Variants in HS6ST3 observed in about 807,000 individuals in gnomAD.
HS6ST3 encodes heparan-sulfate 6-O-sulfotransferase 3.
A neutral mutation model predicts 36.7 loss-of-function variants in HS6ST3; 12 were observed. That is an observed-to-expected ratio of 0.33 (90% CI 0.21 to 0.53). The LOEUF (loss-of-function observed/expected upper bound fraction) is 0.53. Ranked by LOEUF, HS6ST3 falls within the 20% of genes least tolerant of loss-of-function variation. The probability of loss-of-function intolerance (pLI) is 0.95; values close to 1 mark genes in which losing one functional copy is unlikely to be tolerated. For synonymous variants in HS6ST3, 240 were observed against 257.5 expected (o/e 0.93, Z 0.65); for missense variants, 584 against 640.9 (o/e 0.91, Z 0.96).
intron 1 of HS6ST3, among the ~76,000 whole-genome samples, chr13:96,334,765 C>A (rs918708438): frequency 2.0e-5 from 3 of 152,138 alleles, no homozygotes; most frequent in African/African-American, 4.8e-5. Flanking sequence ...CCACCGGGTC[C>A]CTCCCACAAC....
intron 1 of HS6ST3, among the ~76,000 whole-genome samples, chr13:96,595,304 T>C (rs2056397482): frequency 6.6e-6 from 1 of 152,202 alleles, no homozygotes; most frequent in Non-Finnish European, 1.5e-5. Flanking sequence ...GTCTTGGCCT[T>C]GCTAAGTGCT....
intron 1 of HS6ST3, among the ~76,000 whole-genome samples, chr13:96,241,183 G>T (rs189333987): frequency 3.3e-5 from 5 of 151,378 alleles, no homozygotes; most frequent in Admixed American, 3.3e-4. Context: ...ACGCCTAATA[G>T]AACTGTCAGC....
At chr13:96,508,560 A>G (rs952773151) in intron 1 of HS6ST3, among the ~76,000 whole-genome samples, 1 of 152,016 alleles carries the variant, frequency 6.6e-6, no homozygotes, top group Non-Finnish European at 1.5e-5. Flanking sequence ...TCTAAGGTCT[A>G]TTATATCATT....
At chr13:96,824,822 T>C (rs1566462759) in intron 1 of HS6ST3, among the ~76,000 whole-genome samples, 3 of 152,134 alleles carry the variant, frequency 2.0e-5, no homozygotes. Flanking sequence ...AAAGAGTGGC[T>C]GATAAATGCT....
intron 1 of HS6ST3, among the ~76,000 whole-genome samples, chr13:96,229,781 A>C (rs1233450943): frequency 1.3e-5 from 2 of 150,832 alleles, no homozygotes; most frequent in African/African-American, 4.9e-5. Flanking sequence ...TCAGGGGGAG[A>C]CCCCCCCCTT....
chr13:96,743,653 A>G (rs1404720089), intron 1 of HS6ST3, among the ~76,000 whole-genome samples: 1 of 152,064 alleles, frequency 6.6e-6, no homozygotes, highest in South Asian at 2.1e-4. Flanking sequence ...GGTGTGTGAA[A>G]TAAAACCAAA....
At chr13:96,818,310 A>G (rs1878463618) in intron 1 of HS6ST3, among the ~76,000 whole-genome samples, 1 of 152,236 alleles carries the variant, frequency 6.6e-6, no homozygotes, top group Admixed American at 6.5e-5. Flanking sequence ...ATCCCATTGA[A>G]TGTCCATGTG....
chr13:96,722,028 AG>A (rs1169975533), intron 1 of HS6ST3, among the ~76,000 whole-genome samples: 27 of 152,184 alleles, frequency 1.8e-4, no homozygotes, highest in African/African-American at 6.3e-4. Flanking sequence ...ACACTTTGGG[AG>A]GTTGGATGGG....
intron 1 of HS6ST3, among the ~76,000 whole-genome samples, chr13:96,553,530 A>G (rs1363427384): frequency 6.6e-6 from 1 of 152,136 alleles, no homozygotes; most frequent in Non-Finnish European, 1.5e-5. Flanking sequence ...TTGGAGATTG[A>G]CTTTCAGTAG....
chr13:96,501,074 T>A (rs1488092882), intron 1 of HS6ST3, among the ~76,000 whole-genome samples: 1 of 152,138 alleles, frequency 6.6e-6, no homozygotes, highest in Non-Finnish European at 1.5e-5. Flanking sequence ...CCCACCTATC[T>A]ACTGACTATA....
chr13:96,141,395 C>T (rs2139317648), intron 1 of HS6ST3, among the ~76,000 whole-genome samples: 1 of 152,036 alleles, frequency 6.6e-6, no homozygotes, highest in East Asian at 1.9e-4. Context: ...ACCCTGTTGC[C>T]CAGGCTGGAG....
At chr13:96,230,150 G>A (rs999641587) in intron 1 of HS6ST3, among the ~76,000 whole-genome samples, 4 of 152,092 alleles carry the variant, frequency 2.6e-5, no homozygotes, top group African/African-American at 9.7e-5. Flanking sequence ...GTGGGTAATG[G>A]TGAGTTGTTG....
chr13:96,614,605 T>G (rs938495924), intron 1 of HS6ST3, among the ~76,000 whole-genome samples: 1 of 152,218 alleles, frequency 6.6e-6, no homozygotes, highest in Non-Finnish European at 1.5e-5. Flanking sequence ...AGGAAAAATA[T>G]CTATTAACTT....
At chr13:96,561,233 C>T (rs1250211152) in intron 1 of HS6ST3, among the ~76,000 whole-genome samples, 1 of 152,094 alleles carries the variant, frequency 6.6e-6, no homozygotes, top group East Asian at 1.9e-4. Flanking sequence ...TAAAGCTACA[C>T]ACCCACAGCC....
intron 1 of HS6ST3, among the ~76,000 whole-genome samples, chr13:96,618,289 C>T (rs1338300212): frequency 1.3e-5 from 2 of 152,004 alleles, no homozygotes; most frequent in Non-Finnish European, 2.9e-5. Context: ...TTTGTAAAGA[C>T]AGGGTCTTGC....
At chr13:96,756,839 A>G (rs1484855034) in intron 1 of HS6ST3, among the ~76,000 whole-genome samples, 1 of 152,230 alleles carries the variant, frequency 6.6e-6, no homozygotes, top group Non-Finnish European at 1.5e-5. Context: ...TGTCCTATCT[A>G]CTGAGACATT....
chr13:96,645,730 A>T (rs2056586328), intron 1 of HS6ST3, among the ~76,000 whole-genome samples: 1 of 151,892 alleles, frequency 6.6e-6, no homozygotes, highest in South Asian at 2.1e-4. Context: ...ATGATGGCTC[A>T]TCTTAAATGG....
intron 1 of HS6ST3, among the ~76,000 whole-genome samples, chr13:96,738,505 T>C (rs548232695): frequency 6.6e-6 from 1 of 152,232 alleles, no homozygotes; most frequent in Non-Finnish European, 1.5e-5. Context: ...AGGAACTTTT[T>C]AAAAATTTTT....
rs183026735 is a variant in HS6ST3, at chr13:96,674,594, G to T, written c.708-157896G>T. ...CGACTCTCACATCGTCCCTCTATTAGACGTTTCCTCCATGGCCCTCACATG... is the reference window on the plus strand; with the variant it reads ...CGACTCTCACATCGTCCCTCTATTATACGTTTCCTCCATGGCCCTCACATG... On this transcript the variant is annotated intron_variant, in intron 1 of 1. Transcript: ENST00000376705. Among the ~76,000 whole-genome samples, 5 of 152,188 alleles carry T rather than the reference G, an allele frequency of 3.3e-5. No homozygotes were observed. In the East Asian group the frequency reaches 9.7e-4, roughly 30 times the overall value.
Sources: allele counts gnomAD v4.1 joint callset (sites outside exome capture counted in the v4.1 genomes callset), GRCh38; gene constraint gnomAD v4.1.1; transcripts MANE v1.5; gene names NCBI Gene and HGNC (gene_info 2026-07-23, HGNC 2026-07-21).